The following USP10 variants were observed in gnomAD, a reference collection of about 807,000 sequenced individuals.
The protein encoded by USP10 is ubiquitin specific peptidase 10.
USP10 carries 22 observed loss-of-function variants against 84.5 expected under a neutral mutation model. The observed-to-expected ratio is 0.26, with a 90% CI of 0.19 to 0.37. The LOEUF is 0.37. USP10 is among the 10% of genes least tolerant of loss of function. The probability of loss-of-function intolerance (pLI) is 1.00; values close to 1 mark genes in which losing one functional copy is unlikely to be tolerated. For missense variants in USP10, 1,019 were observed against 998.9 expected (o/e 1.02, Z -0.27); for synonymous variants, 454 against 387.6 (o/e 1.17, Z -2.01).
In USP10 at chr16:84,745,223, G is replaced by T; in HGVS notation, c.742G>T (p.Ala248Ser). The change falls in exon 4 of 14, where the codon GCT (alanine) becomes TCT (serine). Residue 248 changes from alanine (A) to serine (S), a missense_variant. Ala to Ser is a moderately conservative substitution (Grantham distance 99). Around this residue, in one of 2 missense-constraint regions of USP10, gnomAD observed 787 missense variants for 708.8 expected, o/e 1.11. Coordinates refer to ENST00000219473, the MANE Select transcript of USP10 (RefSeq NM_005153.3). ...AGGGCAGCCAGAGGGGGGCCCCGGG[G>T]CTGATTTTGGTCAGTCCTGCTTCCC... ...TAGQPEGGPG[A>S]DFGQSCFPAE... 2 of 1,613,212 alleles carry T rather than the reference G, an allele frequency of 1.2e-6. No individual in the cohort carries two copies. Among genetic ancestry groups the T allele is most frequent in the Non-Finnish European group, 8.5e-7 (1 of 1,179,554 alleles).
chr16:84,761,461 G>T (rs72797595), intron 8 of USP10, among the ~76,000 whole-genome samples: 2,786 of 152,302 alleles, frequency 0.018, 86 homozygotes, highest in South Asian at 0.12. Context: ...AAAAGCATGC[G>T]GAGCAGAGTC....
chr16:84,733,011 C>G (rs1186315753), intron 1 of USP10: 2 of 429,688 alleles, frequency 4.7e-6, no homozygotes, highest in Non-Finnish European at 9.1e-6. Context: ...TTTTGGATTT[C>G]CTTGTCTTCC....
chr16:84,757,143 T>G (rs529465290), intron 4 of USP10, among the ~76,000 whole-genome samples: 1 of 152,312 alleles, frequency 6.6e-6, no homozygotes, highest in East Asian at 1.9e-4. Flanking sequence ...AGGTGCTATC[T>G]CTGCTGGGTG....
intron 1 of USP10, among the ~76,000 whole-genome samples, chr16:84,702,924 C>T (rs1323637217): frequency 4.5e-5 from 6 of 131,922 alleles, no homozygotes; most frequent in African/African-American, 1.1e-4. Context: ...ACCCGGGAGG[C>T]GGAGGTTGCA....
chr16:84,747,475 C>T (rs922605165), intron 4 of USP10, among the ~76,000 whole-genome samples: 3 of 149,846 alleles, frequency 2.0e-5, no homozygotes, highest in Non-Finnish European at 3.0e-5. Flanking sequence ...TCTTGTTGTT[C>T]TGAAGTTCTC....
chr16:84,713,691 G>A (rs936851550), intron 1 of USP10, among the ~76,000 whole-genome samples: 8 of 152,208 alleles, frequency 5.3e-5, no homozygotes, highest in Non-Finnish European at 8.8e-5. Context: ...TCAGGTGTGG[G>A]AAAGAAGCTA....
At chr16:84,735,237 G>C (rs1005895917) in intron 2 of USP10, among the ~76,000 whole-genome samples, 4 of 141,254 alleles carry the variant, frequency 2.8e-5, no homozygotes, top group African/African-American at 1.1e-4. Context: ...GTGTGTGTGT[G>C]GTGTGTGTGT....
chr16:84,719,705 G>A (rs1215489276), intron 1 of USP10, among the ~76,000 whole-genome samples: 1 of 152,222 alleles, frequency 6.6e-6, no homozygotes, highest in African/African-American at 2.4e-5. Context: ...GGACTTTGAA[G>A]TCTGGAGTTA....
chr16:84,738,659 C>T (rs1910239646), intron 2 of USP10, among the ~76,000 whole-genome samples: 1 of 152,266 alleles, frequency 6.6e-6, no homozygotes, highest in East Asian at 1.9e-4. Flanking sequence ...TAGGTTGCCC[C>T]CTGGTGGTGG....
In USP10 at chr16:84,740,385, CCTT is replaced by C. The variant is rs1910485226; in HGVS notation, c.151+17_151+19del. 2 of 1,608,948 alleles carry C rather than the reference CCTT, an allele frequency of 1.2e-6. No homozygotes were observed. Among genetic ancestry groups the C allele is most frequent in the African/African-American group, 2.7e-5 (2 of 74,812 alleles). On this transcript the variant is annotated intron_variant, in intron 3 of 13. Coordinates refer to ENST00000219473, the MANE Select transcript of USP10 (RefSeq NM_005153.3). ...CTACCTGATGGTAAGCTAGTTCTCT[CCTT>C]ATTTCCCTGAAGGGAATTTGGCCAT...
intron 4 of USP10, among the ~76,000 whole-genome samples, chr16:84,753,481 T>C (rs1220520523): frequency 6.6e-6 from 1 of 152,018 alleles, no homozygotes; most frequent in African/African-American, 2.4e-5. Context: ...ATGCCGGGAG[T>C]GGTCTGCTTA....
Position 84,740,354 on chromosome 16 carries a change from GATAAAC to G in USP10, c.137_142del (p.Asp46_Leu48delinsVal), listed in dbSNP as rs755936108. ...AGTTCTGTGTGGCACACAGGCTGTG[GATAAAC>G]TACCTGATGGTAAGCTAGTTCTCTC... is the stretch of plus-strand genomic sequence containing the variant. On this transcript the variant is annotated inframe_deletion, in exon 3 of 14. Coordinates refer to ENST00000219473, the MANE Select transcript of USP10 (RefSeq NM_005153.3). The G allele has an allele frequency of 6.2e-7, 1 of 1,612,758 alleles. No homozygotes were observed. Among genetic ancestry groups the G allele is most frequent in the Non-Finnish European group, 8.5e-7 (1 of 1,179,200 alleles).
chr16:84,724,411 A>T (rs911438558), intron 1 of USP10, among the ~76,000 whole-genome samples: 6 of 152,198 alleles, frequency 3.9e-5, no homozygotes, highest in Non-Finnish European at 7.3e-5. Flanking sequence ...TTACTTTTTG[A>T]TAGCACTTTA....
rs532261984 is a variant in USP10, at chr16:84,742,518, A to C, written c.152-2115A>C. On this transcript the variant is annotated intron_variant, in intron 3 of 13. Transcript: ENST00000219473. ...CTTGTAGTCCAGTCCTCTCTACTGCATGTACTGCAGTGAGCAGCCTTGGAG... is the reference window on the plus strand; with the variant it reads ...CTTGTAGTCCAGTCCTCTCTACTGCCTGTACTGCAGTGAGCAGCCTTGGAG... 3.9e-5 allele frequency among the ~76,000 whole-genome samples: 6 copies of C among 152,312 alleles called. No individual in the cohort carries two copies. The East Asian group carries it at 1.2e-3, about 29-fold the overall frequency.
intron 1 of USP10, among the ~76,000 whole-genome samples, chr16:84,708,425 T>G (rs1478513750): frequency 6.6e-6 from 1 of 152,184 alleles, no homozygotes; most frequent in Non-Finnish European, 1.5e-5. Flanking sequence ...CACTCCAGCC[T>G]GGACGAAAGA....
At chr16:84,708,075 C>T (rs3764284) in intron 1 of USP10, among the ~76,000 whole-genome samples, 3,214 of 151,930 alleles carry the variant, frequency 0.021, 105 homozygotes, top group African/African-American at 0.073. Flanking sequence ...GAGACTCTTA[C>T]GTCAAAAAAG....
At chr16:84,753,962 C>T (rs368436369) in intron 4 of USP10, among the ~76,000 whole-genome samples, 36 of 152,190 alleles carry the variant, frequency 2.4e-4, no homozygotes, top group African/African-American at 8.7e-4. Context: ...GGGGAGAAAG[C>T]AAGGAGGGGA....
chr16:84,778,152 T>C (rs977190911), intron 13 of USP10, among the ~76,000 whole-genome samples: 9 of 143,340 alleles, frequency 6.3e-5, no homozygotes, highest in Admixed American at 6.2e-4. Context: ...AATGGGTAAT[T>C]TTTTTTAAAG....
chr16:84,757,410 T>G (rs1396705694), intron 4 of USP10, among the ~76,000 whole-genome samples: 2 of 105,596 alleles, frequency 1.9e-5, no homozygotes, highest in African/African-American at 6.2e-5. Context: ...GGGGTGTGTG[T>G]GTGTGTGTGT....
Sources: gnomAD v4.1 joint callset for allele counts (sites outside exome capture counted in the v4.1 genomes callset) on GRCh38, gnomAD v4.1.1 for gene constraint, gnomAD v4.1.1 regional missense constraint, MANE v1.5 for transcripts, NCBI Gene and HGNC (gene_info 2026-07-23, HGNC 2026-07-21) for gene names.